The following PHLDB2 variants were observed in gnomAD, a reference collection of about 807,000 sequenced individuals.
The protein encoded by PHLDB2 is pleckstrin homology like domain family B member 2, also known as pleckstrin homology-like domain family B member 2.
PHLDB2 carries 71 observed loss-of-function variants against 123.6 expected under a neutral mutation model. That is an observed-to-expected ratio of 0.57 (90% CI 0.47 to 0.70). PHLDB2 has a LOEUF of 0.70. Among genes scored for constraint, PHLDB2 ranks in the 30% least tolerant of loss-of-function variants. PHLDB2 has a pLI of 0.00. For synonymous variants in PHLDB2, 547 were observed against 541.6 expected (o/e 1.01, Z -0.14); for missense variants, 1,446 against 1,519.5 (o/e 0.95, Z 0.80).
chr3:111,837,426 C>CA (rs1232884823), intron 1 of PHLDB2, among the ~76,000 whole-genome samples: 10 of 152,092 alleles, frequency 6.6e-5, no homozygotes, highest in African/African-American at 2.2e-4. Context: ...CAATCTCTCT[C>CA]AAAGTCGTGC....
At chr3:111,761,282 T>A (rs1212110244) in intron 1 of PHLDB2, among the ~76,000 whole-genome samples, 1 of 152,184 alleles carries the variant, frequency 6.6e-6, no homozygotes, top group East Asian at 1.9e-4. Flanking sequence ...GTTATTCAAT[T>A]TTTTTGCTTC....
intron 1 of PHLDB2, among the ~76,000 whole-genome samples, chr3:111,751,881 A>G (rs1014999233): frequency 1.3e-5 from 2 of 152,154 alleles, no homozygotes; most frequent in African/African-American, 4.8e-5. Flanking sequence ...TGCTGCAATG[A>G]GCTAGAAAGT....
intron 1 of PHLDB2, among the ~76,000 whole-genome samples, chr3:111,870,843 A>G (rs757223774): frequency 1.3e-5 from 2 of 152,244 alleles, no homozygotes; most frequent in Non-Finnish European, 2.9e-5. Flanking sequence ...GAAAGAGACC[A>G]GCCTGTGGAC....
chr3:111,952,361 A>G (rs1180797860), intron 10 of PHLDB2, among the ~76,000 whole-genome samples: 1 of 152,202 alleles, frequency 6.6e-6, no homozygotes, highest in African/African-American at 2.4e-5. Flanking sequence ...TTTTTTAAAG[A>G]TTTCTAGGTT....
At chr3:111,836,570 A>G (rs2063409140) in intron 1 of PHLDB2, among the ~76,000 whole-genome samples, 2 of 152,190 alleles carry the variant, frequency 1.3e-5, no homozygotes, top group South Asian at 4.1e-4. Context: ...GCTTTGAATA[A>G]GATTACCAAA....
At chr3:111,776,476 T>C (rs2060270138) in intron 1 of PHLDB2, among the ~76,000 whole-genome samples, 1 of 152,154 alleles carries the variant, frequency 6.6e-6, no homozygotes, top group Non-Finnish European at 1.5e-5. Context: ...GTTCCTACAT[T>C]GCACCTCTCA....
At chr3:111,859,823 A>AGGCGCTAGGGCGGC (rs1160529931) in intron 1 of PHLDB2, 22 of 985,734 alleles carry the variant, frequency 2.2e-5, no homozygotes, top group Non-Finnish European at 2.5e-5. Context: ...GGCAAAGGCT[A>AGGCGCTAGGGCGGC]GGCGCTAGGG....
chr3:111,831,031 AAGG>A (rs1190567892), intron 1 of PHLDB2, among the ~76,000 whole-genome samples: 2 of 59,270 alleles, frequency 3.4e-5, no homozygotes, highest in Non-Finnish European at 8.1e-5. Flanking sequence ...GAAAGAAAGA[AAGG>A]AAGGAAGGAA....
At chr3:111,791,606 C>T (rs2060929471) in intron 1 of PHLDB2, among the ~76,000 whole-genome samples, 1 of 152,096 alleles carries the variant, frequency 6.6e-6, no homozygotes, top group Admixed American at 6.5e-5. Flanking sequence ...GACTTTTTTG[C>T]TTTTAATGAA....
chr3:111,898,162 TTGTGTGTGTGTGTGTGTGTTTGTGTGTG>T (rs2066978131), intron 2 of PHLDB2, among the ~76,000 whole-genome samples: 1 of 135,980 alleles, frequency 7.4e-6, no homozygotes, highest in African/African-American at 2.7e-5. Flanking sequence ...GGCAATTTCT[TTGTGTGTGTGTGTGTGTGTTTGTGTGTG>T]TGTGTGTGTG....
chr3:111,767,609 A>G (rs1178510014), intron 1 of PHLDB2, among the ~76,000 whole-genome samples: 1 of 152,220 alleles, frequency 6.6e-6, no homozygotes, highest in Non-Finnish European at 1.5e-5. Flanking sequence ...TGACTTCCAC[A>G]TTTAGCTATG....
At chr3:111,864,607 A>G (rs959889010) in intron 1 of PHLDB2, among the ~76,000 whole-genome samples, 2 of 152,248 alleles carry the variant, frequency 1.3e-5, no homozygotes, top group African/African-American at 4.8e-5. Flanking sequence ...ACCCAAGTGT[A>G]AAAATCATTT....
At chr3:111,787,794 A>T (rs2060754078) in intron 1 of PHLDB2, among the ~76,000 whole-genome samples, 1 of 152,162 alleles carries the variant, frequency 6.6e-6, no homozygotes, top group East Asian at 1.9e-4. Context: ...AGCGTACCCA[A>T]TCTATTCTGG....
chr3:111,876,176 T>C (rs1342888119), intron 1 of PHLDB2, among the ~76,000 whole-genome samples: 1 of 152,032 alleles, frequency 6.6e-6, no homozygotes, highest in Non-Finnish European at 1.5e-5. Flanking sequence ...TCAGAATGTG[T>C]TTTAAGGACA....
At chr3:111,782,715 T>C (rs997424114) in intron 1 of PHLDB2, among the ~76,000 whole-genome samples, 10 of 152,090 alleles carry the variant, frequency 6.6e-5, no homozygotes, top group African/African-American at 2.4e-4. Context: ...AGCTTAGGAA[T>C]TGTCTGTCTT....
intron 5 of PHLDB2, among the ~76,000 whole-genome samples, chr3:111,926,026 C>T (rs1427998754): frequency 6.6e-6 from 1 of 152,178 alleles, no homozygotes; most frequent in African/African-American, 2.4e-5. Context: ...ACATATATCT[C>T]AAACTATCCT....
At chr3:111,954,144 A>T in intron 12 of PHLDB2, 115 bp downstream of exon 12, 1 of 828,410 alleles carries the variant, frequency 1.2e-6, no homozygotes. Flanking sequence ...CCAAAGGCCT[A>T]ATTTTACTCT....
chr3:111,870,114 G>C (rs2065266581), intron 1 of PHLDB2, among the ~76,000 whole-genome samples: 1 of 152,156 alleles, frequency 6.6e-6, no homozygotes, highest in African/African-American at 2.4e-5. Flanking sequence ...AGGAACAGAG[G>C]TTAGAAAGCC....
At chr3:111,886,200 C>G (rs897745630) in intron 2 of PHLDB2, among the ~76,000 whole-genome samples, 1 of 152,188 alleles carries the variant, frequency 6.6e-6, no homozygotes, top group South Asian at 2.1e-4. Context: ...ATTTCCTTAA[C>G]AAGAGAAGCT....
Sources: allele counts gnomAD v4.1 joint callset (sites outside exome capture counted in the v4.1 genomes callset), GRCh38; gene constraint gnomAD v4.1.1; transcripts MANE v1.5; gene names NCBI Gene and HGNC (gene_info 2026-07-23, HGNC 2026-07-21).